FSTL5: variants seen among roughly 807,000 people sequenced by gnomAD.
The protein encoded by FSTL5 is follistatin like 5.
In FSTL5, 62 loss-of-function variants were observed where a neutral mutation model predicts 89.1. The observed-to-expected ratio is 0.70, with a 90% CI of 0.57 to 0.86. The LOEUF is 0.86. FSTL5 is among the 40% of genes least tolerant of loss of function. The pLI is 0.00. For missense variants in FSTL5, 1,057 were observed against 1,001.6 expected, an observed-to-expected ratio of 1.06 and a Z score of -0.75; for synonymous variants, 383 against 346.2, an observed-to-expected ratio of 1.11 and a Z score of -1.18.
intron 6 of FSTL5, among the ~76,000 whole-genome samples, chr4:161,669,255 A>T (rs994354316): frequency 3.9e-5 from 6 of 152,156 alleles, no homozygotes; most frequent in African/African-American, 1.4e-4. Flanking sequence ...ATGCAATCCC[A>T]GTCAAAATTC....
chr4:161,823,016 G>A (rs1730542398), intron 4 of FSTL5, among the ~76,000 whole-genome samples: 1 of 152,186 alleles, frequency 6.6e-6, no homozygotes, highest in Non-Finnish European at 1.5e-5. Context: ...CCTACTGCTG[G>A]TAGCTCCTTT....
chr4:161,954,713 T>G (rs2110962689), intron 3 of FSTL5, among the ~76,000 whole-genome samples: 1 of 151,798 alleles, frequency 6.6e-6, no homozygotes, highest in Admixed American at 6.6e-5. Context: ...ATCACATTTT[T>G]ATTCACCTAT....
intron 3 of FSTL5, among the ~76,000 whole-genome samples, chr4:161,984,959 C>CTTTTTTT (rs760714876): frequency 7.1e-6 from 1 of 141,832 alleles, no homozygotes; most frequent in Non-Finnish European, 1.5e-5. Context: ...TATCTGAATA[C>CTTTTTTT]TTTTTTTTTT....
chr4:162,118,529 G>A (rs898981239), intron 1 of FSTL5, among the ~76,000 whole-genome samples: 23 of 152,166 alleles, frequency 1.5e-4, no homozygotes, highest in Non-Finnish European at 2.8e-4. Context: ...CCAAAGTGCT[G>A]GGATTACAGG....
chr4:161,705,952 G>GTATATATATA (rs1206067350), intron 6 of FSTL5, among the ~76,000 whole-genome samples: 16 of 30,648 alleles, frequency 5.2e-4, no homozygotes, highest in African/African-American at 2.4e-3. Flanking sequence ...GTAGATGTGT[G>GTATATATATA]TATATATATA....
intron 3 of FSTL5, among the ~76,000 whole-genome samples, chr4:161,962,791 T>C (rs998807859): frequency 3.9e-5 from 6 of 152,128 alleles, no homozygotes; most frequent in African/African-American, 1.4e-4. Flanking sequence ...AATTACTAAT[T>C]GAAGTTTCAG....
chr4:161,538,427 A>G, intron 9 of FSTL5, 127 bp from the exon 10 acceptor site: 1 of 1,003,226 alleles, frequency 1.0e-6, no homozygotes, highest in Non-Finnish European at 1.5e-6. Context: ...CTACTTCCAT[A>G]CTTTGAAGGC....
intron 3 of FSTL5, among the ~76,000 whole-genome samples, chr4:162,004,166 T>C (rs555538067): frequency 6.6e-6 from 1 of 152,348 alleles, no homozygotes; most frequent in East Asian, 1.9e-4. Flanking sequence ...ATGGATATCA[T>C]GCAGCACAAC....
At chr4:161,521,441 T>C (rs961620589) in intron 10 of FSTL5, among the ~76,000 whole-genome samples, 18 of 152,172 alleles carry the variant, frequency 1.2e-4, no homozygotes, top group African/African-American at 4.3e-4. Flanking sequence ...GCCTTAAGTC[T>C]TCTTTATATG....
intron 8 of FSTL5, among the ~76,000 whole-genome samples, chr4:161,561,415 G>A (rs1057222758): frequency 6.6e-6 from 1 of 151,992 alleles, no homozygotes; most frequent in East Asian, 1.9e-4. Flanking sequence ...TCCACAGAAA[G>A]AGAGAGTAGA....
Position 162,163,843 on chromosome 4 carries a change from G to C in FSTL5, c.-245C>G, listed in dbSNP as rs1282833367. On this transcript the variant is annotated 5_prime_UTR_variant, in exon 1 of 16. Coordinates refer to ENST00000306100, the MANE Select transcript of FSTL5 (RefSeq NM_020116.5). ...CCACACTCCTTTGTCAAGTTGATATGGGTCCTGTTGGTGAAGCGGGTCCCA... is the reference window on the plus strand; with the variant it reads ...CCACACTCCTTTGTCAAGTTGATATCGGTCCTGTTGGTGAAGCGGGTCCCA... The C allele has an allele frequency of 6.6e-6, 1 of 152,238 alleles. No homozygotes were observed. The highest frequency in any genetic ancestry group is 1.9e-4 in the East Asian group (1 of 5,186). The allele number at this position is 152,238 out of a possible 1,614,324, so 9.4% of individuals were successfully genotyped here.
At chr4:161,880,859 A>T (rs139605332) in intron 4 of FSTL5, among the ~76,000 whole-genome samples, 1 of 152,148 alleles carries the variant, frequency 6.6e-6, no homozygotes, top group Non-Finnish European at 1.5e-5. Context: ...AGGGACAGAG[A>T]TTATACCAGT....
intron 4 of FSTL5, among the ~76,000 whole-genome samples, chr4:161,899,235 T>C (rs563269625): frequency 6.6e-6 from 1 of 152,170 alleles, no homozygotes; most frequent in East Asian, 1.9e-4. Flanking sequence ...AGCCACAGGG[T>C]GCTGTGGTTA....
intron 8 of FSTL5, among the ~76,000 whole-genome samples, chr4:161,563,743 C>T (rs1342353361): frequency 2.0e-5 from 3 of 151,948 alleles, no homozygotes; most frequent in African/African-American, 7.2e-5. Flanking sequence ...CCAGAAAGTG[C>T]ACATATTGTT....
chr4:161,721,587 T>C (rs1739219772), intron 6 of FSTL5, among the ~76,000 whole-genome samples: 1 of 152,122 alleles, frequency 6.6e-6, no homozygotes, highest in Non-Finnish European at 1.5e-5. Context: ...AGGCAGAAAG[T>C]AGGGGCCCAA....
intron 7 of FSTL5, among the ~76,000 whole-genome samples, chr4:161,637,603 C>T (rs1337088876): frequency 6.5e-5 from 9 of 139,308 alleles, no homozygotes; most frequent in Non-Finnish European, 9.3e-5. Context: ...TTAGGTCTAA[C>T]GTTTAAATCT....
At chr4:161,650,211 C>A (rs1279411201) in intron 7 of FSTL5, among the ~76,000 whole-genome samples, 1 of 152,080 alleles carries the variant, frequency 6.6e-6, no homozygotes, top group African/African-American at 2.4e-5. Context: ...AGATAAAATT[C>A]ACATGATATC....
intron 2 of FSTL5, among the ~76,000 whole-genome samples, chr4:162,100,757 G>T (rs940267776): frequency 2.0e-5 from 3 of 152,270 alleles, no homozygotes; most frequent in Admixed American, 6.5e-5. Context: ...CTGTGCATGT[G>T]TGGGGGAGGG....
At chr4:162,049,490 T>C (rs910333368) in intron 2 of FSTL5, among the ~76,000 whole-genome samples, 4 of 152,184 alleles carry the variant, frequency 2.6e-5, no homozygotes, top group African/African-American at 9.6e-5. Flanking sequence ...CAATATAGTT[T>C]GTTTGAAAGA....
Sources: gnomAD v4.1 joint callset for allele counts (sites outside exome capture counted in the v4.1 genomes callset) on GRCh38, gnomAD v4.1.1 for gene constraint, MANE v1.5 for transcripts, NCBI Gene and HGNC (gene_info 2026-07-23, HGNC 2026-07-21) for gene names.